Variants in INTS3 observed in about 807,000 individuals in gnomAD.
INTS3 encodes the protein integrator complex subunit 3.
In INTS3, 34 loss-of-function variants were observed where a neutral mutation model predicts 146.3. The ratio of observed to expected loss-of-function variants is 0.23; its 90% CI spans 0.18 to 0.31. INTS3 has a LOEUF of 0.31. INTS3 is among the 10% of genes least tolerant of loss of function. The probability of loss-of-function intolerance (pLI) is 1.00; values close to 1 mark genes in which losing one functional copy is unlikely to be tolerated. For synonymous variants in INTS3, 475 were observed against 494.9 expected (o/e 0.96, Z 0.53); for missense variants, 757 against 1,304.2 (o/e 0.58, Z 6.46).
rs1218664060 is a variant in INTS3 at position 153,771,830 on chromosome 1, C to T, written c.2587C>T (p.Arg863Trp). 4 of 1,613,754 alleles carry T rather than the reference C, an allele frequency of 2.5e-6. No homozygotes were observed. Among genetic ancestry groups the T allele is most frequent in the African/African-American group, 2.7e-5 (2 of 74,910 alleles). Residue 863 changes from arginine (R) to tryptophan (W), a missense_variant, in exon 26 of 30, where the codon CGG (arginine) becomes TGG (tryptophan). Physicochemically the swap from Arg to Trp is moderately radical, Grantham distance 101. Transcript: ENST00000318967. ...GGAGATGGTGAAGATGGTGCTGAGCCGGCCCTGCCATCCTGACGACCAGTT... is the reference window on the plus strand; with the variant it reads ...GGAGATGGTGAAGATGGTGCTGAGCTGGCCCTGCCATCCTGACGACCAGTT... Reference protein sequence around the residue: ...SEEMVKMVLSRPCHPDDQFTT... With the variant: ...SEEMVKMVLSWPCHPDDQFTT...
At chr1:153,746,465 A>G (rs1671741455) in intron 3 of INTS3, among the ~76,000 whole-genome samples, 1 of 151,486 alleles carries the variant, frequency 6.6e-6, no homozygotes, top group African/African-American at 2.4e-5. Context: ...CAGTGGCGCG[A>G]TCTCCGCTCA....
At chr1:153,737,450 C>G (rs1671344981) in intron 1 of INTS3, among the ~76,000 whole-genome samples, 1 of 152,156 alleles carries the variant, frequency 6.6e-6, no homozygotes, top group Non-Finnish European at 1.5e-5. Context: ...ACCAGAATGA[C>G]TGTTGGGTAG....
chr1:153,740,442 C>A (rs116506527), intron 1 of INTS3, among the ~76,000 whole-genome samples: 6 of 152,136 alleles, frequency 3.9e-5, no homozygotes, highest in Admixed American at 2.0e-4. Flanking sequence ...TTTTTTCTTG[C>A]GATTTATGTG....
Position 153,773,706 on chromosome 1 carries a change from C to T in INTS3, c.*436C>T, listed in dbSNP as rs1283192208. On this transcript the variant is annotated 3_prime_UTR_variant, in exon 30 of 30. Transcript: ENST00000318967. ...TGTGTGGGTGTCCCTTCCTGCTTCC[C>T]CTTCAGGTCTTGGTTTGTTCTGAAG... 9.4e-6 allele frequency: 2 copies of T among 212,878 alleles called. No homozygotes were observed. Among genetic ancestry groups the T allele is most frequent in the Admixed American group, 1.0e-4 (2 of 19,154 alleles). 13.2% of individuals were successfully genotyped at this position (212,878 alleles called of 1,614,324 possible). A position where few individuals can be genotyped will look rare whatever the true frequency, so the allele number is the denominator to read the frequency against.
chr1:153,768,177 C>A (rs534896075), intron 21 of INTS3, among the ~76,000 whole-genome samples: 6 of 152,278 alleles, frequency 3.9e-5, no homozygotes, highest in Admixed American at 1.3e-4. Flanking sequence ...GATGGCTCAC[C>A]CTTGCTTGGA....
intron 2 of INTS3, 34 bp from the exon 3 acceptor site, chr1:153,741,251 G>A (rs778781167): frequency 2.6e-6 from 4 of 1,519,836 alleles, no homozygotes; most frequent in African/African-American, 1.4e-5. Context: ...GCCTGTGAGT[G>A]ACAACTAGTT....
At chr1:153,764,643 A>G (rs1558006525) in intron 18 of INTS3, 47 bp from the exon 19 acceptor site, 1 of 1,428,160 alleles carries the variant, frequency 7.0e-7, no homozygotes, top group Admixed American at 1.7e-5. Flanking sequence ...CGTATGTGCC[A>G]GCAGCCCCCC....
At position 153,751,251 on chromosome 1, in the gene INTS3, G is replaced by A. The variant is rs774638883; in HGVS notation, c.729+12G>A. 2 of 1,613,164 alleles carry A rather than the reference G, an allele frequency of 1.2e-6. No individual in the cohort carries two copies. Among genetic ancestry groups the A allele is most frequent in the East Asian group, 2.2e-5 (1 of 44,864 alleles). ...TGCTTCGGGAACGGGTGAGGGAACA[G>A]GACAAAAATAATGTGGGGAAGTGAG... On this transcript the variant is annotated intron_variant, in intron 7 of 29. Coordinates refer to ENST00000318967, the MANE Select transcript of INTS3 (RefSeq NM_023015.5).
intron 1 of INTS3, among the ~76,000 whole-genome samples, chr1:153,733,486 CAGGCGTG>C (rs1671169050): frequency 6.6e-6 from 1 of 151,912 alleles, no homozygotes; most frequent in Non-Finnish European, 1.5e-5. Flanking sequence ...GCTGGGATTA[CAGGCGTG>C]AGCCACCGCA....
chr1:153,767,778 A>T lies in INTS3; in HGVS notation c.2195A>T (p.Glu732Val). ...ATGATGGACATGAAGGCCTGCCAGG[A>T]GGACGATGTGCGGCTCCTGTGCCAC... Reference protein sequence around the residue: ...CLMMDMKACQEDDVRLLCHLT... With the variant: ...CLMMDMKACQVDDVRLLCHLT... Residue 732 changes from glutamate to valine, a missense_variant, in exon 21 of 30, where the codon GAG (glutamate) becomes GTG (valine). This residue lies in a region of INTS3 where 116 missense variants were observed against 226.5 expected (regional missense o/e 0.51). Coordinates refer to ENST00000318967, the MANE Select transcript of INTS3 (RefSeq NM_023015.5). 1 of 1,613,616 alleles carries T rather than the reference A, an allele frequency of 6.2e-7. No homozygotes were observed. The highest frequency in any genetic ancestry group is 1.1e-5 in the South Asian group (1 of 91,050).
intron 2 of INTS3, 22 bp from the exon 3 acceptor site, chr1:153,741,263 G>A (rs1557991618): frequency 3.1e-6 from 5 of 1,593,644 alleles, no homozygotes; most frequent in Non-Finnish European, 4.3e-6. Context: ...CAACTAGTTT[G>A]TTTTCCTTTC....
chr1:153,757,929 T>C lies in INTS3; in HGVS notation c.1149+166T>C, dbSNP rs961344391. ...ACTTCCCTTTGTGTCTCTAGAAATTTACTTACACTCATTATTTTCCATCTG... is the reference window on the plus strand; with the variant it reads ...ACTTCCCTTTGTGTCTCTAGAAATTCACTTACACTCATTATTTTCCATCTG... On this transcript the variant is annotated intron_variant, in intron 10 of 29. Coordinates refer to ENST00000318967, the MANE Select transcript of INTS3 (RefSeq NM_023015.5). The surrounding 1 kb of genome is among the most constrained non-coding windows in gnomAD (Gnocchi z 4.0). 6.6e-6 allele frequency among the ~76,000 whole-genome samples: 1 copy of C among 152,182 alleles called. No homozygotes were observed. Among genetic ancestry groups the C allele is most frequent in the Non-Finnish European group, 1.5e-5 (1 of 68,034 alleles).
At chr1:153,768,693 T>C (rs549772193) in intron 21 of INTS3, among the ~76,000 whole-genome samples, 200 bp from the exon 22 acceptor site, 7 of 152,172 alleles carry the variant, frequency 4.6e-5, no homozygotes, top group Non-Finnish European at 1.0e-4. Flanking sequence ...TGTGCACACA[T>C]AAATAACAAA....
chr1:153,744,593 C>T (rs1671656014), intron 3 of INTS3, among the ~76,000 whole-genome samples: 2 of 152,176 alleles, frequency 1.3e-5, no homozygotes, highest in South Asian at 4.1e-4. Context: ...GAGGATCTCT[C>T]ACTGTGGGTA....
intron 6 of INTS3, 72 bp from the exon 7 acceptor site, chr1:153,751,023 C>A: frequency 6.7e-7 from 1 of 1,500,386 alleles, no homozygotes; most frequent in Non-Finnish European, 9.1e-7. Context: ...GTAGCCAAGC[C>A]CAAGAAGCGT....
At position 153,757,809 on chromosome 1, in the gene INTS3, T is replaced by A; in HGVS notation, c.1149+46T>A. The A allele has an allele frequency of 6.6e-7, 1 of 1,522,800 alleles. No individual in the cohort carries two copies. The allele number at this position is 1,522,800 out of a possible 1,614,324, so 94.3% of individuals were successfully genotyped here. ...GTGGTGAAGGGTGCCTCTTCCATGG[T>A]GTTCCCATGTTTCCATTCTTCTTCC... is the stretch of plus-strand genomic sequence containing the variant. On this transcript the variant is annotated intron_variant, in intron 10 of 29. Transcript: ENST00000318967. The surrounding 1 kb of genome is among the most constrained non-coding windows in gnomAD (Gnocchi z 4.0).
chr1:153,728,678 C>T lies in INTS3; in HGVS notation c.44C>T (p.Ala15Val), dbSNP rs892527039. 19 of 1,605,568 alleles carry T rather than the reference C, an allele frequency of 1.2e-5. No homozygotes were observed. The African/African-American group carries it at 2.4e-4, about 21-fold the overall frequency. ...KGKGAAAAAA[A>V]SGAAGGGGGG... The stretch of plus-strand genomic sequence containing the variant: ...AAAGGGGCGGCAGCAGCAGCAGCTG[C>T]TTCGGGAGCAGCGGGAGGTGGAGGA... Residue 15 changes from alanine (A) to valine (V), a missense_variant, in exon 1 of 30, where the codon GCT becomes GTT. By Grantham distance (64) the Ala-to-Val change is moderately conservative. This residue lies in a region of INTS3 where 160 missense variants were observed against 193.7 expected (regional missense o/e 0.83). Coordinates refer to ENST00000318967, the MANE Select transcript of INTS3 (RefSeq NM_023015.5).
chr1:153,772,836 A>C lies in INTS3; in HGVS notation c.2895-89A>C. The C allele has an allele frequency of 6.3e-7, 1 of 1,587,104 alleles. No individual in the cohort carries two copies. Among genetic ancestry groups the C allele is most frequent in the Non-Finnish European group, 8.6e-7 (1 of 1,163,528 alleles). ...TAGGGTCCAGGGTTGAAGAAAAAGAAGGCCTAGGCCTGGGGGCAGAGAAGA... is the reference window on the plus strand; with the variant it reads ...TAGGGTCCAGGGTTGAAGAAAAAGACGGCCTAGGCCTGGGGGCAGAGAAGA... On this transcript the variant is annotated intron_variant, in intron 28 of 29. Transcript: ENST00000318967. This position sits in a 1 kb window ranked among gnomAD's most constrained non-coding sequence, Gnocchi z 4.6.
chr1:153,765,405 G>A (rs1672541164), intron 20 of INTS3, among the ~76,000 whole-genome samples: 1 of 151,842 alleles, frequency 6.6e-6, no homozygotes, highest in Non-Finnish European at 1.5e-5. Flanking sequence ...TGCCCAGGAT[G>A]GTCTCAAACT....
Sources: gnomAD v4.1 joint callset for allele counts (sites outside exome capture counted in the v4.1 genomes callset) on GRCh38, gnomAD v4.1.1 for gene constraint, gnomAD v4.1.1 regional missense constraint, Gnocchi (gnomAD v3.1) non-coding constraint, MANE v1.5 for transcripts, NCBI Gene and HGNC (gene_info 2026-07-23, HGNC 2026-07-21) for gene names.